The following ADGRL2 variants were observed in gnomAD, a reference collection of about 807,000 sequenced individuals.
ADGRL2 encodes the protein calcium-independent alpha-latrotoxin receptor 2.
Under a neutral mutation model 157.4 loss-of-function variants are expected in ADGRL2, and 44 were observed. The ratio of observed to expected loss-of-function variants is 0.28; its 90% CI spans 0.22 to 0.36. ADGRL2 has a LOEUF of 0.36. ADGRL2 is among the 10% of genes least tolerant of loss of function. The pLI, the probability that ADGRL2 is intolerant of heterozygous loss-of-function variation, is 1.00. For synonymous variants in ADGRL2, 585 were observed against 624.7 expected (o/e 0.94, Z 0.95); for missense variants, 1,510 against 1,768.9 (o/e 0.85, Z 2.63).
intron 1 of ADGRL2, among the ~76,000 whole-genome samples, chr1:81,352,540 CTTGGAAAATGAAAAATT>C (rs746400526): frequency 1.3e-4 from 20 of 152,110 alleles, no homozygotes; most frequent in Non-Finnish European, 1.6e-4. Flanking sequence ...GCAAGATAAT[CTTGGAAAATGAAAAATT>C]TTGTTGTACC....
chr1:81,322,863 T>G (rs1660623677), intron 1 of ADGRL2, among the ~76,000 whole-genome samples: 1 of 152,138 alleles, frequency 6.6e-6, no homozygotes, highest in Non-Finnish European at 1.5e-5. Context: ...TTGATGTTTT[T>G]TGTTTGTTTG....
At chr1:81,385,597 C>CAA (rs35419524) in intron 1 of ADGRL2, among the ~76,000 whole-genome samples, 31 of 142,794 alleles carry the variant, frequency 2.2e-4, no homozygotes, top group Admixed American at 4.2e-4. Context: ...GGGAGAGTGG[C>CAA]AAAAAAAAAA....
chr1:81,828,007 G>T (rs1314289435), intron 1 of ADGRL2, among the ~76,000 whole-genome samples: 1 of 152,168 alleles, frequency 6.6e-6, no homozygotes, highest in Non-Finnish European at 1.5e-5. Context: ...TGGCAGACAT[G>T]AATAGTTATT....
At chr1:81,519,087 TA>T (rs1444170441) in intron 2 of ADGRL2, among the ~76,000 whole-genome samples, 3 of 152,212 alleles carry the variant, frequency 2.0e-5, no homozygotes, top group Admixed American at 2.0e-4. Context: ...TCACAGAGAT[TA>T]TGCGTATGTC....
intron 3 of ADGRL2, among the ~76,000 whole-genome samples, chr1:81,609,372 G>A (rs1278342336): frequency 2.0e-5 from 3 of 152,030 alleles, no homozygotes; most frequent in African/African-American, 7.3e-5. Flanking sequence ...ACTAATTCTT[G>A]TAAATTAAAC....
intron 2 of ADGRL2, among the ~76,000 whole-genome samples, chr1:81,500,574 C>A (rs1474823611): frequency 6.6e-6 from 1 of 152,058 alleles, no homozygotes. Context: ...CAGGATCTCA[C>A]TTATATAAGA....
chr1:81,365,568 A>C (rs140173443), intron 1 of ADGRL2, among the ~76,000 whole-genome samples: 1 of 152,310 alleles, frequency 6.6e-6, no homozygotes, highest in East Asian at 1.9e-4. Flanking sequence ...TTAAATCAAA[A>C]TAAGTGAGAC....
At chr1:81,355,965 T>C (rs1028964640) in intron 1 of ADGRL2, among the ~76,000 whole-genome samples, 9 of 152,146 alleles carry the variant, frequency 5.9e-5, no homozygotes, top group Non-Finnish European at 1.0e-4. Context: ...TTGTTACATA[T>C]TTTTTTCCTC....
At chr1:81,434,993 A>G (rs2077384371) in intron 1 of ADGRL2, among the ~76,000 whole-genome samples, 1 of 152,216 alleles carries the variant, frequency 6.6e-6, no homozygotes, top group Admixed American at 6.5e-5. Flanking sequence ...ACTGGACACA[A>G]TTAATAAAAA....
chr1:81,924,530 G>A (rs2148659047), intron 3 of ADGRL2, among the ~76,000 whole-genome samples: 1 of 152,248 alleles, frequency 6.6e-6, no homozygotes, highest in South Asian at 2.1e-4. Context: ...AGATGTTTAG[G>A]AGAGAGATCT....
At chr1:81,555,312 G>A (rs1490880390) in intron 2 of ADGRL2, among the ~76,000 whole-genome samples, 1 of 141,932 alleles carries the variant, frequency 7.0e-6, no homozygotes, top group Non-Finnish European at 1.5e-5. Context: ...TTATTGCCCA[G>A]GCTGGAGTAC....
chr1:81,780,609 T>A (rs570456867), intron 2 of ADGRL2, among the ~76,000 whole-genome samples: 1 of 152,202 alleles, frequency 6.6e-6, no homozygotes, highest in East Asian at 1.9e-4. Flanking sequence ...CTTCCGTTAA[T>A]AGCGCAAAGA....
At position 81,990,923 on chromosome 1, in the gene ADGRL2, C is replaced by G. The variant is rs116188578; in HGVS notation, c.4188C>G (p.Ser1396Arg). The G allele has an allele frequency of 6.2e-7, 1 of 1,614,072 alleles. No homozygotes were observed. The highest frequency in any genetic ancestry group is 8.5e-7 in the Non-Finnish European group (1 of 1,179,990). The change falls in exon 24 of 24, where the codon AGC (serine) becomes AGG (arginine). Residue 1396 changes from serine (S) to arginine (R), a missense_variant. By Grantham distance (110) the Ser-to-Arg change is moderately radical. This residue lies in a region of ADGRL2 where 327 missense variants were observed against 310.1 expected (regional missense o/e 1.05). Coordinates refer to ENST00000686636, the MANE Select transcript of ADGRL2 (RefSeq NM_001366006.2). ...PNLRDSPYPE[S>R]SPDMEEDLSP... is the part of the protein sequence containing the mutation. ...TTAGAGACTCTCCCTATCCGGAGAG[C>G]AGCCCTGACATGGAAGAAGACCTCT...
intron 2 of ADGRL2, among the ~76,000 whole-genome samples, chr1:81,490,836 G>C (rs1424604753): frequency 6.6e-6 from 1 of 152,160 alleles, no homozygotes; most frequent in East Asian, 1.9e-4. Context: ...GCATGCACAA[G>C]AATGTACATA....
intron 1 of ADGRL2, among the ~76,000 whole-genome samples, chr1:81,428,058 G>A (rs1227214573): frequency 2.0e-5 from 3 of 152,128 alleles, no homozygotes; most frequent in Non-Finnish European, 4.4e-5. Flanking sequence ...TTTTGAAGGT[G>A]TTTCCTTGTG....
At chr1:81,356,809 C>T (rs373453515) in intron 1 of ADGRL2, among the ~76,000 whole-genome samples, 44 of 151,752 alleles carry the variant, frequency 2.9e-4, no homozygotes, top group African/African-American at 9.9e-4. Context: ...AAAAATTAGC[C>T]GAGCGTGGTG....
intron 2 of ADGRL2, among the ~76,000 whole-genome samples, chr1:81,767,137 T>G (rs1477269930): frequency 6.6e-6 from 1 of 152,178 alleles, no homozygotes. Context: ...TACTCAACAT[T>G]AAGATCTTGA....
intron 1 of ADGRL2, among the ~76,000 whole-genome samples, chr1:81,327,182 A>G (rs1457549040): frequency 2.6e-5 from 4 of 152,180 alleles, no homozygotes; most frequent in East Asian, 1.9e-4. Context: ...CATTTCATAC[A>G]TAATGCTCCA....
intron 2 of ADGRL2, among the ~76,000 whole-genome samples, chr1:81,901,986 G>T (rs2094496239): frequency 6.6e-6 from 1 of 152,154 alleles, no homozygotes; most frequent in Non-Finnish European, 1.5e-5. Context: ...AGGCGGTTGG[G>T]CTACAGCTTG....
Sources: gnomAD v4.1 joint callset for allele counts (sites outside exome capture counted in the v4.1 genomes callset) on GRCh38, gnomAD v4.1.1 for gene constraint, gnomAD v4.1.1 regional missense constraint, MANE v1.5 for transcripts, NCBI Gene and HGNC (gene_info 2026-07-23, HGNC 2026-07-21) for gene names.